GALNT17: variants seen among roughly 807,000 people sequenced by gnomAD.
GALNT17 encodes the protein UDP-GalNAc:polypeptide N-acetylgalactosaminyltransferase-like 3.
A neutral mutation model predicts 63.7 loss-of-function variants in GALNT17; 29 were observed. That is an observed-to-expected ratio of 0.46 (90% CI 0.34 to 0.62). The LOEUF is 0.62. Ranked by LOEUF, GALNT17 falls within the 20% of genes least tolerant of loss-of-function variation. The pLI is 0.01. For synonymous variants in GALNT17, 305 were observed against 318.3 expected (o/e 0.96, Z 0.45); for missense variants, 603 against 799.6 (o/e 0.75, Z 2.97).
chr7:71,645,435 T>C (rs1270733692), intron 6 of GALNT17, among the ~76,000 whole-genome samples: 1 of 152,112 alleles, frequency 6.6e-6, no homozygotes, highest in Non-Finnish European at 1.5e-5. Context: ...CTACACACCC[T>C]CTCTCTCTCC....
intron 6 of GALNT17, among the ~76,000 whole-genome samples, chr7:71,585,357 AC>A (rs1789699449): frequency 6.6e-6 from 1 of 152,166 alleles, no homozygotes; most frequent in African/African-American, 2.4e-5. Context: ...ATCACTGCCT[AC>A]ACCCATTAAT....
At chr7:71,668,667 G>A (rs1449893406) in intron 7 of GALNT17, among the ~76,000 whole-genome samples, 1 of 152,068 alleles carries the variant, frequency 6.6e-6, no homozygotes, top group Non-Finnish European at 1.5e-5. Context: ...GACTGCCCAA[G>A]TGATCTTAAT....
At chr7:71,582,962 G>A (rs1033072250) in intron 6 of GALNT17, among the ~76,000 whole-genome samples, 2 of 151,990 alleles carry the variant, frequency 1.3e-5, no homozygotes, top group Non-Finnish European at 2.9e-5. Flanking sequence ...AATAACCTAT[G>A]GAAATAAAAA....
At position 71,439,636 on chromosome 7, in the gene GALNT17, T is replaced by A. The variant is rs181869095; in HGVS notation, c.962+18531T>A. ...CCTCCCTTGTAAAGAGGTTCAGTGT[T>A]GCGGGCTGCCAAGGAGCAGACACAT... On this transcript the variant is annotated intron_variant, in intron 5 of 10. Transcript: ENST00000333538. 1.5e-4 allele frequency among the ~76,000 whole-genome samples: 23 copies of A among 152,324 alleles called. No individual in the cohort carries two copies. The East Asian group carries it at 4.4e-3, about 29-fold the overall frequency.
intron 5 of GALNT17, among the ~76,000 whole-genome samples, chr7:71,475,862 C>T (rs1787714124): frequency 6.6e-6 from 1 of 152,200 alleles, no homozygotes; most frequent in South Asian, 2.1e-4. Context: ...GAATCTCCTA[C>T]CCATTCCTAA....
At chr7:71,139,077 C>G (rs1180083490) in intron 1 of GALNT17, among the ~76,000 whole-genome samples, 2 of 152,180 alleles carry the variant, frequency 1.3e-5, no homozygotes, top group Non-Finnish European at 2.9e-5. Context: ...ATGTTTCTGT[C>G]ACTTTCTGAG....
At chr7:71,335,995 CTTCTTCT>C (rs1213967210) in intron 2 of GALNT17, among the ~76,000 whole-genome samples, 182 of 77,792 alleles carry the variant, frequency 2.3e-3, no homozygotes, top group South Asian at 0.011. Context: ...TCTTCTTCTT[CTTCTTCT>C]TCTTCCTTCT....
At chr7:71,524,021 G>A (rs761788048) in intron 5 of GALNT17, among the ~76,000 whole-genome samples, 33 of 150,734 alleles carry the variant, frequency 2.2e-4, no homozygotes, top group Non-Finnish European at 3.8e-4. Flanking sequence ...GGGAGGCTGA[G>A]GCAGGAGAAT....
chr7:71,495,422 C>G (rs1233431806), intron 5 of GALNT17, among the ~76,000 whole-genome samples: 1 of 152,112 alleles, frequency 6.6e-6, no homozygotes, highest in Non-Finnish European at 1.5e-5. Flanking sequence ...TAATGTGTGC[C>G]AGGCATTGTG....
In GALNT17 at chr7:71,404,879, C is replaced by A. The variant is rs752004041; in HGVS notation, c.590-11010C>A. The stretch of plus-strand genomic sequence containing the variant: ...GAAGGCAGCCTAGAAAAAGGAGGCG[C>A]CTGCCTCAAGTCCAGAGCCTGCTGC... On this transcript the variant is annotated intron_variant, in intron 3 of 10. Transcript: ENST00000333538. Among the ~76,000 whole-genome samples the A allele has an allele frequency of 6.6e-5, 10 of 152,216 alleles. 1 individual carries two copies. Among genetic ancestry groups the A allele is most frequent in the Admixed American group, 5.2e-4 (8 of 15,286 alleles).
intron 8 of GALNT17, among the ~76,000 whole-genome samples, chr7:71,675,910 C>A (rs570201962): frequency 6.6e-6 from 1 of 152,220 alleles, no homozygotes; most frequent in South Asian, 2.1e-4. Flanking sequence ...ATCGCTTGAA[C>A]CCAGGAGGTG....
intron 1 of GALNT17, among the ~76,000 whole-genome samples, chr7:71,203,911 C>G (rs1021570783): frequency 3.3e-5 from 5 of 152,102 alleles, no homozygotes; most frequent in African/African-American, 9.7e-5. Flanking sequence ...TGTACAGAAG[C>G]CTTTTAGTTT....
chr7:71,170,002 A>G (rs902512578), intron 1 of GALNT17, among the ~76,000 whole-genome samples: 11 of 150,862 alleles, frequency 7.3e-5, no homozygotes, highest in Non-Finnish European at 1.3e-4. Flanking sequence ...GGGTCTTGCT[A>G]TGCTGTCAAG....
At chr7:71,334,306 AG>A (rs1481396904) in intron 1 of GALNT17, among the ~76,000 whole-genome samples, 1 of 152,166 alleles carries the variant, frequency 6.6e-6, no homozygotes, top group Non-Finnish European at 1.5e-5. Context: ...TGACTTGCTT[AG>A]GGGATGTCTT....
At chr7:71,505,602 A>T (rs1473851749) in intron 5 of GALNT17, among the ~76,000 whole-genome samples, 1 of 151,900 alleles carries the variant, frequency 6.6e-6, no homozygotes, top group Non-Finnish European at 1.5e-5. Flanking sequence ...TCTGTCTCAG[A>T]AAAAGAAGTC....
intron 1 of GALNT17, among the ~76,000 whole-genome samples, chr7:71,308,593 C>T (rs1436897094): frequency 6.6e-6 from 1 of 152,090 alleles, no homozygotes; most frequent in Non-Finnish European, 1.5e-5. Flanking sequence ...TCAAGAGCCC[C>T]TCTGTATCCC....
At chr7:71,233,151 G>T (rs11976420) in intron 1 of GALNT17, among the ~76,000 whole-genome samples, 5,768 of 152,156 alleles carry the variant, frequency 0.038, 352 homozygotes, top group African/African-American at 0.13. Flanking sequence ...GTGGCTCTCT[G>T]CCCCACACTC....
rs116986549 is a variant in GALNT17, at chr7:71,630,061, G to A, written c.1081-35350G>A. Among the ~76,000 whole-genome samples, 61 of 151,268 alleles carry A rather than the reference G, an allele frequency of 4.0e-4. No individual in the cohort carries two copies. In the East Asian group the frequency reaches 5.1e-3, roughly 13 times the overall value. ...TATCAGGCCTGCCAGATAGACACAG[G>A]ACTGACACCACCCAGAGATCATTAG... On this transcript the variant is annotated intron_variant, in intron 6 of 10. Transcript: ENST00000333538.
At chr7:71,295,061 G>C (rs1791053020) in intron 1 of GALNT17, among the ~76,000 whole-genome samples, 1 of 152,076 alleles carries the variant, frequency 6.6e-6, no homozygotes, top group Non-Finnish European at 1.5e-5. Flanking sequence ...CCTTAACTCA[G>C]TGTTCTTAAC....
Sources: gnomAD v4.1 joint callset for allele counts (sites outside exome capture counted in the v4.1 genomes callset) on GRCh38, gnomAD v4.1.1 for gene constraint, MANE v1.5 for transcripts, NCBI Gene and HGNC (gene_info 2026-07-23, HGNC 2026-07-21) for gene names.